CTNNA2: variants seen among roughly 807,000 people sequenced by gnomAD.
CTNNA2 encodes the protein catenin alpha-2.
CTNNA2 carries 42 observed loss-of-function variants against 101.0 expected under a neutral mutation model. The ratio of observed to expected loss-of-function variants is 0.42; its 90% confidence interval spans 0.32 to 0.54. The LOEUF is 0.54. Among genes scored for constraint, CTNNA2 ranks in the 20% least tolerant of loss-of-function variants. CTNNA2 has a pLI of 0.14. For missense variants in CTNNA2, 871 were observed against 1,223.1 expected, an observed-to-expected ratio of 0.71 and a Z score of 4.29; for synonymous variants, 450 against 456.4, an observed-to-expected ratio of 0.99 and a Z score of 0.18.
intron 1 of CTNNA2, among the ~76,000 whole-genome samples, chr2:79,616,057 C>T (rs1313175223): frequency 1.3e-5 from 2 of 152,106 alleles, no homozygotes; most frequent in Non-Finnish European, 2.9e-5. Context: ...CATGCAACAC[C>T]AGCATTAAGA....
intron 7 of CTNNA2, among the ~76,000 whole-genome samples, chr2:80,378,444 TACAC>T (rs3040572): frequency 0.05 from 7,342 of 147,854 alleles, 266 homozygotes; most frequent in East Asian, 0.13. Context: ...ACTTGCAGTA[TACAC>T]ACACACACAC....
intron 7 of CTNNA2, among the ~76,000 whole-genome samples, chr2:80,241,481 A>G (rs1030211666): frequency 1.3e-5 from 2 of 151,882 alleles, no homozygotes; most frequent in Non-Finnish European, 2.9e-5. Flanking sequence ...ATATATATTC[A>G]TTATGAGCTA....
At chr2:80,139,506 G>T (rs1268686016) in intron 7 of CTNNA2, among the ~76,000 whole-genome samples, 1 of 152,030 alleles carries the variant, frequency 6.6e-6, no homozygotes, top group Admixed American at 6.6e-5. Context: ...AAAGGCAATG[G>T]AGAATGCAAA....
At chr2:79,268,748 G>A (rs2104295906) in intron 2 of CTNNA2, among the ~76,000 whole-genome samples, 1 of 152,164 alleles carries the variant, frequency 6.6e-6, no homozygotes, top group Non-Finnish European at 1.5e-5. Context: ...GGTGTGTGGG[G>A]AAAAAACCCA....
chr2:80,638,518 A>G (rs931134970), intron 18 of CTNNA2, among the ~76,000 whole-genome samples: 19 of 152,222 alleles, frequency 1.2e-4, no homozygotes, highest in African/African-American at 4.6e-4. Context: ...CTACCTGGAT[A>G]AACAGGTGGC....
chr2:80,559,878 T>TATCTATCTATCTATCTATATATATATA (rs1693393440), intron 12 of CTNNA2, among the ~76,000 whole-genome samples: 8 of 113,932 alleles, frequency 7.0e-5, no homozygotes, highest in African/African-American at 2.4e-4. Context: ...GATATCATAT[T>TATCTATCTATCTATCTATATATATATA]TATATATATA....
At chr2:79,349,424 C>G (rs1174268487) in intron 3 of CTNNA2, among the ~76,000 whole-genome samples, 1 of 152,100 alleles carries the variant, frequency 6.6e-6, no homozygotes, top group Admixed American at 6.5e-5. Flanking sequence ...AGGGTTAGGG[C>G]TAATAAATTG....
At chr2:79,306,260 A>C (rs1315872423) in intron 2 of CTNNA2, among the ~76,000 whole-genome samples, 1 of 152,164 alleles carries the variant, frequency 6.6e-6, no homozygotes, top group African/African-American at 2.4e-5. Context: ...CATTTCAGTT[A>C]GACAGGAGGA....
At chr2:79,207,471 A>C (rs542160242) in intron 2 of CTNNA2, among the ~76,000 whole-genome samples, 1 of 152,332 alleles carries the variant, frequency 6.6e-6, no homozygotes, top group African/African-American at 2.4e-5. Context: ...AGAGTTTCTG[A>C]AAAGTTGCAG....
chr2:79,996,897 G>C (rs912483291), intron 7 of CTNNA2, among the ~76,000 whole-genome samples: 1 of 152,122 alleles, frequency 6.6e-6, no homozygotes, highest in South Asian at 2.1e-4. Flanking sequence ...CATGAACTCA[G>C]TTGGGGGAGA....
chr2:79,896,294 A>G (rs1055113081), intron 6 of CTNNA2, among the ~76,000 whole-genome samples: 1 of 151,910 alleles, frequency 6.6e-6, no homozygotes, highest in African/African-American at 2.4e-5. Context: ...CAAAAAAAAA[A>G]AAGGAGAACT....
chr2:80,389,888 G>C (rs1437547724), intron 7 of CTNNA2, among the ~76,000 whole-genome samples: 1 of 152,042 alleles, frequency 6.6e-6, no homozygotes. Context: ...GAGAAACCCA[G>C]GATCACAAAT....
At chr2:80,253,176 G>A (rs769994055) in intron 7 of CTNNA2, among the ~76,000 whole-genome samples, 1 of 152,114 alleles carries the variant, frequency 6.6e-6, no homozygotes. Context: ...CCAGGTACCT[G>A]GTTCCTTTCT....
chr2:79,806,716 G>A (rs1412004198), intron 3 of CTNNA2, among the ~76,000 whole-genome samples: 1 of 152,016 alleles, frequency 6.6e-6, no homozygotes, highest in Non-Finnish European at 1.5e-5. Flanking sequence ...TGGAAAACTA[G>A]TGGTCTCTTG....
intron 7 of CTNNA2, among the ~76,000 whole-genome samples, chr2:80,123,513 T>C (rs1268926503): frequency 6.6e-6 from 1 of 151,994 alleles, no homozygotes; most frequent in Non-Finnish European, 1.5e-5. Context: ...TAACACATGG[T>C]ATTCAACAGG....
intron 7 of CTNNA2, among the ~76,000 whole-genome samples, chr2:79,910,993 T>C (rs868300940): frequency 1.3e-5 from 2 of 152,198 alleles, no homozygotes; most frequent in Non-Finnish European, 2.9e-5. Flanking sequence ...TCAGATTCTT[T>C]GATTTTGGAA....
chr2:79,810,964 T>C (rs1408873806), intron 3 of CTNNA2, among the ~76,000 whole-genome samples: 2 of 151,524 alleles, frequency 1.3e-5, no homozygotes, highest in East Asian at 3.9e-4. Context: ...TCTTTGCTAT[T>C]GTGAATAGTG....
At chr2:79,955,604 A>G (rs946023891) in intron 7 of CTNNA2, among the ~76,000 whole-genome samples, 2 of 152,186 alleles carry the variant, frequency 1.3e-5, no homozygotes, top group Non-Finnish European at 2.9e-5. Context: ...TCAGGCTGCA[A>G]TGCAATGGTG....
chr2:80,589,572 A>C, intron 15 of CTNNA2, 87 bp downstream of exon 15: 1 of 1,296,974 alleles, frequency 7.7e-7, no homozygotes, highest in Non-Finnish European at 1.1e-6. Flanking sequence ...GCCTGCTGAA[A>C]AATTAAAATA....
Sources: allele counts gnomAD v4.1 joint callset (sites outside exome capture counted in the v4.1 genomes callset), GRCh38; gene constraint gnomAD v4.1.1; transcripts MANE v1.5; gene names NCBI Gene and HGNC (gene_info 2026-07-23, HGNC 2026-07-21).